Variants in FOXP2 observed in about 807,000 individuals in gnomAD.
The protein encoded by FOXP2 is forkhead box protein P2.
In FOXP2, 12 loss-of-function variants were observed where a neutral mutation model predicts 115.8. That is an observed-to-expected ratio of 0.10 (90% CI 0.07 to 0.17). The LOEUF (loss-of-function observed/expected upper bound fraction) is 0.17, where lower values mean the gene tolerates loss of function less well. Ranked by LOEUF, FOXP2 falls within the 10% of genes least tolerant of loss-of-function variation. The pLI, the probability that FOXP2 is intolerant of heterozygous loss-of-function variation, is 1.00. For missense variants in FOXP2, 629 were observed against 843.5 expected (o/e 0.75, Z 3.15); for synonymous variants, 328 against 297.7 (o/e 1.10, Z -1.05).
chr7:114,247,411 T>G (rs1365088491), intron 1 of FOXP2, among the ~76,000 whole-genome samples: 2 of 152,212 alleles, frequency 1.3e-5, no homozygotes, highest in Non-Finnish European at 2.9e-5. Context: ...GACAGATGGG[T>G]GCTAACCTCT....
rs114905083 is a variant in FOXP2, at chr7:114,121,195, G to A, written c.-247+33357G>A. 9.8e-3 allele frequency among the ~76,000 whole-genome samples: 1,496 copies of A among 152,044 alleles called. 19 individuals are homozygous for A. Among genetic ancestry groups the A allele is most frequent in the Middle Eastern group, 0.037 (11 of 294 alleles). Reference sequence around the variant, plus strand: ...GATGGAGCCCTCGTGAATGAGATGAGTGCCCTTAGAAAAAGTACCACAGAG... The same window carrying A: ...GATGGAGCCCTCGTGAATGAGATGAATGCCCTTAGAAAAAGTACCACAGAG... On this transcript the variant is annotated intron_variant, in intron 1 of 19. Transcript: ENST00000635638.
intron 1 of FOXP2, among the ~76,000 whole-genome samples, chr7:114,094,806 C>T (rs1183647459): frequency 2.0e-5 from 3 of 152,082 alleles, no homozygotes; most frequent in Admixed American, 1.3e-4. Flanking sequence ...GGACCACAGG[C>T]ACACCATCAA....
intron 2 of FOXP2, among the ~76,000 whole-genome samples, chr7:114,332,512 C>T (rs746169323): frequency 2.0e-5 from 3 of 152,156 alleles, no homozygotes; most frequent in South Asian, 2.1e-4. Flanking sequence ...TTTCAGCTAT[C>T]GGAATGTCTG....
intron 2 of FOXP2, among the ~76,000 whole-genome samples, chr7:114,438,600 A>C (rs1260638640): frequency 1.3e-5 from 2 of 152,132 alleles, no homozygotes; most frequent in African/African-American, 2.4e-5. Flanking sequence ...GTGTTTCGTT[A>C]GTCAAGATAA....
intron 1 of FOXP2, among the ~76,000 whole-genome samples, chr7:114,260,350 T>C (rs1795718238): frequency 6.6e-6 from 1 of 152,130 alleles, no homozygotes; most frequent in African/African-American, 2.4e-5. Flanking sequence ...GAAATGACAT[T>C]AGCTCAGCAA....
intron 1 of FOXP2, among the ~76,000 whole-genome samples, chr7:114,283,481 G>A (rs1402795255): frequency 6.6e-6 from 1 of 152,042 alleles, no homozygotes; most frequent in Non-Finnish European, 1.5e-5. Context: ...TTTATATGAT[G>A]TAATGTTTTC....
intron 3 of FOXP2, among the ~76,000 whole-genome samples, chr7:114,605,510 A>C (rs2129315605): frequency 6.6e-6 from 1 of 152,320 alleles, no homozygotes; most frequent in Admixed American, 6.5e-5. Context: ...ACAAAATGAG[A>C]TAAATGTAAT....
intron 3 of FOXP2, among the ~76,000 whole-genome samples, chr7:114,605,933 A>G (rs1803295932): frequency 6.6e-6 from 1 of 152,184 alleles, no homozygotes; most frequent in African/African-American, 2.4e-5. Context: ...AACGAGTAGT[A>G]TTGATTGGAG....
chr7:114,437,682 T>G (rs1220326331), intron 2 of FOXP2, among the ~76,000 whole-genome samples: 1 of 152,186 alleles, frequency 6.6e-6, no homozygotes, highest in East Asian at 1.9e-4. Context: ...TCATATGGTT[T>G]TTAATAGTCA....
At chr7:114,405,275 A>T (rs1220039634) in intron 2 of FOXP2, among the ~76,000 whole-genome samples, 1 of 151,926 alleles carries the variant, frequency 6.6e-6, no homozygotes, top group Non-Finnish European at 1.5e-5. Flanking sequence ...ACTCCTTATT[A>T]TAAAAGCAGT....
intron 8 of FOXP2, among the ~76,000 whole-genome samples, chr7:114,646,718 G>A (rs1362267107): frequency 6.6e-6 from 1 of 151,940 alleles, no homozygotes; most frequent in Non-Finnish European, 1.5e-5. Context: ...TGACCGAAGT[G>A]AAATATCGAT....
At chr7:114,294,313 T>C (rs1474358165) in intron 2 of FOXP2, among the ~76,000 whole-genome samples, 1 of 152,170 alleles carries the variant, frequency 6.6e-6, no homozygotes, top group Non-Finnish European at 1.5e-5. Flanking sequence ...GCTAACAGGA[T>C]CTGGGCTTGC....
intron 8 of FOXP2, among the ~76,000 whole-genome samples, chr7:114,651,054 C>T (rs1188914350): frequency 6.6e-6 from 1 of 151,814 alleles, no homozygotes; most frequent in African/African-American, 2.4e-5. Flanking sequence ...TTTTTTCTGC[C>T]TCACTGTGAT....
rs1554431719 is a variant in FOXP2, at chr7:114,212,124, T to TAAAATAAAATAAA, written c.-102+49037_-102+49038insAAATAAAATAAAA. Among the ~76,000 whole-genome samples the TAAAATAAAATAAA allele has an allele frequency of 2.8e-5, 4 of 143,160 alleles. No homozygotes were observed. The South Asian group carries it at 8.9e-4, about 32-fold the overall frequency. 93.9% of individuals were successfully genotyped at this position (143,160 alleles called of 152,430 possible). A position where few individuals can be genotyped will look rare whatever the true frequency, so the allele number is the denominator to read the frequency against. The stretch of plus-strand genomic sequence containing the variant: ...TAAAATAAAATAAAATAAAATAAAA[T>TAAAATAAAATAAA]ATATATATATATTCTTTGTTTCCTT... On this transcript the variant is annotated intron_variant, in intron 1 of 17. Transcript: ENST00000634411.
chr7:114,661,994 T>C lies in FOXP2; in HGVS notation c.1648-71T>C. 3 of 1,561,126 alleles carry C rather than the reference T, an allele frequency of 1.9e-6. No individual in the cohort carries two copies. In the Admixed American group the frequency reaches 5.1e-5, roughly 26 times the overall value. Reference sequence around the variant, plus strand: ...CACTCTGATTAAGTAAGATCAATAATGTAGTATGTTGGGCTGCCTTATTAG... The same window carrying C: ...CACTCTGATTAAGTAAGATCAATAACGTAGTATGTTGGGCTGCCTTATTAG... On this transcript the variant is annotated intron_variant, in intron 13 of 16. Coordinates refer to ENST00000350908, the MANE Select transcript of FOXP2 (RefSeq NM_014491.4).
At chr7:114,642,138 T>C (rs1388626730) in intron 6 of FOXP2, among the ~76,000 whole-genome samples, 2 of 151,118 alleles carry the variant, frequency 1.3e-5, no homozygotes, top group Non-Finnish European at 3.0e-5. Flanking sequence ...CATGCAGGGA[T>C]TTTTTTTTAA....
chr7:114,310,928 C>T (rs986239098), intron 2 of FOXP2, among the ~76,000 whole-genome samples: 2 of 152,154 alleles, frequency 1.3e-5, no homozygotes, highest in Non-Finnish European at 2.9e-5. Flanking sequence ...AACCTTTTGA[C>T]TTGAGCCTTT....
chr7:114,595,741 A>C (rs1802661731), intron 3 of FOXP2, among the ~76,000 whole-genome samples: 1 of 152,002 alleles, frequency 6.6e-6, no homozygotes. Context: ...AGGTGTAAGG[A>C]TCAACAACCT....
intron 1 of FOXP2, among the ~76,000 whole-genome samples, chr7:114,123,203 T>G (rs990032008): frequency 6.6e-6 from 1 of 151,500 alleles, no homozygotes; most frequent in Non-Finnish European, 1.5e-5. Flanking sequence ...TAATTTAAAA[T>G]CATTAGTCAG....
Sources: allele counts gnomAD v4.1 joint callset (sites outside exome capture counted in the v4.1 genomes callset), GRCh38; gene constraint gnomAD v4.1.1; transcripts MANE v1.5; gene names NCBI Gene and HGNC (gene_info 2026-07-23, HGNC 2026-07-21).